The following EML5 variants were observed in gnomAD, a reference collection of about 807,000 sequenced individuals.
EML5 encodes the protein echinoderm microtubule-associated protein-like 5.
Under a neutral mutation model 250.0 loss-of-function variants are expected in EML5, and 120 were observed. The ratio of observed to expected loss-of-function variants is 0.48; its 90% CI spans 0.41 to 0.56. EML5 has a LOEUF of 0.56. Ranked by LOEUF, EML5 falls within the 20% of genes least tolerant of loss-of-function variation. The pLI, the probability that EML5 is intolerant of heterozygous loss-of-function variation, is 0.00. For synonymous variants in EML5, 771 were observed against 806.5 expected (o/e 0.96, Z 0.75); for missense variants, 2,006 against 2,437.6 (o/e 0.82, Z 3.73).
Position 88,613,903 on chromosome 14 carries a change from C to G in EML5, c.*1915G>C, listed in dbSNP as rs940331368. ...ACCTTCCCCTCGTTGCTGGCTGATA[C>G]AGCGAGGTGGTCAGCTGATGACTAC... On this transcript the variant is annotated 3_prime_UTR_variant, in exon 44 of 44. Coordinates refer to ENST00000554922, the MANE Select transcript of EML5 (RefSeq NM_183387.3). 4 of 152,198 alleles carry G rather than the reference C, an allele frequency of 2.6e-5. No individual in the cohort carries two copies. Among genetic ancestry groups the G allele is most frequent in the Non-Finnish European group, 5.9e-5 (4 of 68,034 alleles). 9.4% of individuals were successfully genotyped at this position (152,198 alleles called of 1,614,324 possible). A position where few individuals can be genotyped will look rare whatever the true frequency, so the allele number is the denominator to read the frequency against.
chr14:88,754,443 G>T (rs1247327386), intron 2 of EML5, 69 bp downstream of exon 2: 1 of 1,333,822 alleles, frequency 7.5e-7, no homozygotes, highest in South Asian at 1.8e-5. Context: ...AATATTTATA[G>T]ATTTATAATC....
At chr14:88,761,440 A>G (rs1218314871) in intron 1 of EML5, among the ~76,000 whole-genome samples, 1 of 152,158 alleles carries the variant, frequency 6.6e-6, no homozygotes, top group African/African-American at 2.4e-5. Context: ...TACAAGTGAG[A>G]ACATGTGGTG....
At chr14:88,680,814 TG>T (rs531920670) in intron 21 of EML5, among the ~76,000 whole-genome samples, 28 of 152,152 alleles carry the variant, frequency 1.8e-4, no homozygotes, top group African/African-American at 6.3e-4. Context: ...CCAGACATCA[TG>T]GGATTCCCAC....
In EML5 at chr14:88,759,033, G is replaced by A. The variant is rs1212098157; in HGVS notation, c.198-4362C>T. On this transcript the variant is annotated intron_variant, in intron 1 of 43. Coordinates refer to ENST00000554922, the MANE Select transcript of EML5 (RefSeq NM_183387.3). ...TGGATAAGGACTGCTAATGAGCTTG[G>A]GAATTTTTTAGGGGTGATAAATATT... Among the ~76,000 whole-genome samples, 3 of 152,234 alleles carry A rather than the reference G, an allele frequency of 2.0e-5. No individual in the cohort carries two copies. The East Asian group carries it at 5.8e-4, about 29-fold the overall frequency.
chr14:88,707,429 G>A (rs1412380816), intron 10 of EML5, among the ~76,000 whole-genome samples: 1 of 151,806 alleles, frequency 6.6e-6, no homozygotes, highest in Non-Finnish European at 1.5e-5. Context: ...CATCTGACAG[G>A]AATATATTTT....
chr14:88,660,598 C>A (rs1033452356), intron 25 of EML5, among the ~76,000 whole-genome samples: 5 of 151,802 alleles, frequency 3.3e-5, no homozygotes, highest in Non-Finnish European at 7.4e-5. Flanking sequence ...AAAAAATTAG[C>A]TGGGCATGGT....
At chr14:88,643,612 T>C in intron 30 of EML5, among the ~76,000 whole-genome samples, 1 of 152,162 alleles carries the variant, frequency 6.6e-6, no homozygotes, top group East Asian at 1.9e-4. Flanking sequence ...GGACTGTATT[T>C]TTTGTGTCCA....
intron 1 of EML5, among the ~76,000 whole-genome samples, chr14:88,771,183 A>T (rs2094389422): frequency 6.6e-6 from 1 of 152,248 alleles, no homozygotes; most frequent in African/African-American, 2.4e-5. Flanking sequence ...TTAAACACTT[A>T]GCTGGTAAAT....
At chr14:88,716,189 G>A (rs1313757863) in intron 8 of EML5, among the ~76,000 whole-genome samples, 1 of 152,152 alleles carries the variant, frequency 6.6e-6, no homozygotes, top group Non-Finnish European at 1.5e-5. Flanking sequence ...ACAGCTGTGG[G>A]CCTGTTAATT....
intron 1 of EML5, among the ~76,000 whole-genome samples, chr14:88,779,530 T>A (rs2094476574): frequency 6.6e-6 from 1 of 152,192 alleles, no homozygotes; most frequent in African/African-American, 2.4e-5. Flanking sequence ...GGTGACCAAT[T>A]ACCTTGAACT....
intron 5 of EML5, among the ~76,000 whole-genome samples, chr14:88,739,918 T>A (rs2093900434): frequency 6.6e-6 from 1 of 152,204 alleles, no homozygotes; most frequent in South Asian, 2.1e-4. Context: ...TTGTGCTATC[T>A]AGCTCCCTTT....
At chr14:88,633,418 T>C (rs1005751931) in intron 33 of EML5, among the ~76,000 whole-genome samples, 4 of 151,992 alleles carry the variant, frequency 2.6e-5, no homozygotes, top group African/African-American at 9.7e-5. Context: ...ACCCCACCTG[T>C]CATCTCATTT....
intron 27 of EML5, among the ~76,000 whole-genome samples, chr14:88,651,476 C>T (rs2091623285): frequency 6.6e-6 from 1 of 151,882 alleles, no homozygotes; most frequent in Non-Finnish European, 1.5e-5. Flanking sequence ...AAGTGTTTTA[C>T]CGTGAATGAA....
rs1246220497 is a variant in EML5 at position 88,616,207 on chromosome 14, A to T, written c.5832T>A (p.His1944Gln). 3 of 1,613,800 alleles carry T rather than the reference A, an allele frequency of 1.9e-6. No homozygotes were observed. Among genetic ancestry groups the T allele is most frequent in the East Asian group, 4.5e-5 (2 of 44,888 alleles). The change falls in exon 43 of 44, where the codon CAT becomes CAA. Residue 1944 changes from histidine (H) to glutamine (Q), a missense_variant. His to Gln is a conservative substitution (Grantham distance 24). Coordinates refer to ENST00000554922, the MANE Select transcript of EML5 (RefSeq NM_183387.3). Reference sequence around the variant, plus strand: ...CACTGGTAAATCGAATATTTGTCACATGGGGCGAATGACCCAAGAACCTTT... The same window carrying T: ...CACTGGTAAATCGAATATTTGTCACTTGGGGCGAATGACCCAAGAACCTTT... Reference protein sequence around the residue: ...KHKRFLGHSPHVTNIRFTSGD... With the variant: ...KHKRFLGHSPQVTNIRFTSGD...
chr14:88,669,353 G>T lies in EML5; in HGVS notation c.3125-3864C>A, dbSNP rs902644819. On this transcript the variant is annotated intron_variant, in intron 21 of 43. Coordinates refer to ENST00000554922, the MANE Select transcript of EML5 (RefSeq NM_183387.3). ...CCTCAGATGACTGAGCTCCCTGGGC[G>T]AGGGGCAGCAGACATCACTGCAGCT... is the stretch of plus-strand genomic sequence containing the variant. Among the ~76,000 whole-genome samples the T allele has an allele frequency of 2.0e-5, 3 of 152,186 alleles. No individual in the cohort carries two copies. In the East Asian group the frequency reaches 5.8e-4, roughly 29 times the overall value.
At chr14:88,784,899 T>A (rs1250969799) in intron 1 of EML5, among the ~76,000 whole-genome samples, 1 of 152,222 alleles carries the variant, frequency 6.6e-6, no homozygotes, top group East Asian at 1.9e-4. Flanking sequence ...CTCCAATGTT[T>A]GTTGCAGCAC....
In EML5 at chr14:88,620,713, T is replaced by C. The variant is rs1351287399; in HGVS notation, c.5375+41A>G. The C allele has an allele frequency of 7.0e-7, 1 of 1,420,760 alleles. No individual in the cohort carries two copies. The highest frequency in any genetic ancestry group is 9.2e-7 in the Non-Finnish European group (1 of 1,085,940). The allele number at this position is 1,420,760 out of a possible 1,614,324, so 88.0% of individuals were successfully genotyped here. On this transcript the variant is annotated intron_variant, in intron 39 of 43. Transcript: ENST00000554922. This position sits in a 1 kb window ranked among gnomAD's most constrained non-coding sequence, Gnocchi z 4.3. ...GAAAATTTTACAAATGGAAGTTAAA[T>C]CAAGTATATACTAGAAACTCTATTC...
chr14:88,767,564 C>T (rs748232839), intron 1 of EML5, among the ~76,000 whole-genome samples: 53 of 152,160 alleles, frequency 3.5e-4, no homozygotes, highest in South Asian at 8.3e-4. Flanking sequence ...TATTGTTACA[C>T]TGTAAGAGTT....
At chr14:88,700,188 TTC>T (rs1363408729) in intron 14 of EML5, among the ~76,000 whole-genome samples, 1 of 152,174 alleles carries the variant, frequency 6.6e-6, no homozygotes, top group Non-Finnish European at 1.5e-5. Context: ...CCAGGTAAGT[TTC>T]TTTCACATTC....
Sources: gnomAD v4.1 joint callset for allele counts (sites outside exome capture counted in the v4.1 genomes callset) on GRCh38, gnomAD v4.1.1 for gene constraint, Gnocchi (gnomAD v3.1) non-coding constraint, MANE v1.5 for transcripts, NCBI Gene and HGNC (gene_info 2026-07-23, HGNC 2026-07-21) for gene names.